Variants in SCGB2B2 observed in about 807,000 individuals in gnomAD.
SCGB2B2 encodes secretoglobin family 2B member 2.
In SCGB2B2, 11 loss-of-function variants were observed where a neutral mutation model predicts 7.6. The ratio of observed to expected loss-of-function variants is 1.45; its 90% CI spans 0.91 to 2.40. The LOEUF (loss-of-function observed/expected upper bound fraction) is 2.40, where lower values mean the gene tolerates loss of function less well. Ranked by LOEUF, SCGB2B2 falls within the 30% of genes most tolerant of loss-of-function variation. The pLI is 0.00. For synonymous variants in SCGB2B2, 50 were observed against 48.6 expected, an observed-to-expected ratio of 1.03 and a Z score of -0.12; for missense variants, 104 against 115.4, an observed-to-expected ratio of 0.90 and a Z score of 0.45.
chr19:34,660,437 A>T (rs2067420999), intron 1 of SCGB2B2, among the ~76,000 whole-genome samples: 2 of 152,258 alleles, frequency 1.3e-5, no homozygotes. Flanking sequence ...CAAATTTACA[A>T]GAAAAAAGCA....
At chr19:34,670,566 G>C (rs1264251333) in intron 1 of SCGB2B2, among the ~76,000 whole-genome samples, 1 of 152,106 alleles carries the variant, frequency 6.6e-6, no homozygotes, top group Admixed American at 6.5e-5. Flanking sequence ...CAAATCTTTT[G>C]CCCATTTAAA....
chr19:34,609,674 CTA>C (rs2065877624), intron 1 of SCGB2B2, among the ~76,000 whole-genome samples: 1 of 152,088 alleles, frequency 6.6e-6, no homozygotes, highest in Non-Finnish European at 1.5e-5. Flanking sequence ...TTCCATTGGT[CTA>C]TGTGTCTGTT....
intron 1 of SCGB2B2, among the ~76,000 whole-genome samples, chr19:34,596,840 T>A (rs747044644): frequency 2.2e-4 from 34 of 152,010 alleles, no homozygotes; most frequent in Non-Finnish European, 2.1e-4. Context: ...ATAGAGGACC[T>A]GGGAGCAGAG....
intron 1 of SCGB2B2, among the ~76,000 whole-genome samples, chr19:34,600,283 T>A (rs1236638208): frequency 1.3e-5 from 2 of 152,252 alleles, no homozygotes; most frequent in South Asian, 2.1e-4. Flanking sequence ...TATTCATCCA[T>A]GTTGTTATCT....
At chr19:34,594,472 T>G in intron 2 of SCGB2B2, 31 bp downstream of exon 2, 1 of 1,610,214 alleles carries the variant, frequency 6.2e-7, no homozygotes, top group African/African-American at 1.3e-5. Context: ...GGGCCACCGC[T>G]TCCTCCCAGC....
At chr19:34,587,033 G>A (rs972955901), downstream of SCGB2B2, among the ~76,000 whole-genome samples, 9 of 151,942 alleles carry the variant, frequency 5.9e-5, no homozygotes, top group Non-Finnish European at 1.0e-4. Context: ...TCAGCCTCCC[G>A]AGTAGCTGGG....
At chr19:34,599,230 G>A (rs1319592013) in intron 1 of SCGB2B2, among the ~76,000 whole-genome samples, 2 of 152,354 alleles carry the variant, frequency 1.3e-5, no homozygotes, top group Middle Eastern at 3.4e-3. Flanking sequence ...ACAGCAGAGG[G>A]ATCTATGGTG....
At chr19:34,623,498 T>G (rs1233091642) in intron 1 of SCGB2B2, among the ~76,000 whole-genome samples, 1 of 152,174 alleles carries the variant, frequency 6.6e-6, no homozygotes, top group Non-Finnish European at 1.5e-5. Context: ...CCATCAATTG[T>G]GCTGCCCATG....
chr19:34,593,403 G>C lies in SCGB2B2; in HGVS notation c.*152C>G. The C allele has an allele frequency of 1.6e-6, 1 of 614,828 alleles. No homozygotes were observed. The highest frequency in any genetic ancestry group is 2.0e-5 in the South Asian group (1 of 50,050). 38.1% of individuals were successfully genotyped at this position (614,828 alleles called of 1,614,324 possible). On this transcript the variant is annotated 3_prime_UTR_variant, in exon 4 of 4. Transcript: ENST00000601241. ...ACCCTGGTCACACTCTGCATATGCGGTCACAGCCAACCCCACACAGATGCC... is the reference window on the plus strand; with the variant it reads ...ACCCTGGTCACACTCTGCATATGCGCTCACAGCCAACCCCACACAGATGCC...
At chr19:34,626,392 T>C (rs902122741) in intron 1 of SCGB2B2, among the ~76,000 whole-genome samples, 1 of 151,968 alleles carries the variant, frequency 6.6e-6, no homozygotes, top group African/African-American at 2.4e-5. Context: ...ACTAGAATAA[T>C]CAATGCAGAG....
intron 1 of SCGB2B2, among the ~76,000 whole-genome samples, chr19:34,659,073 T>G (rs1935860391): frequency 6.6e-6 from 1 of 152,188 alleles, no homozygotes; most frequent in Non-Finnish European, 1.5e-5. Context: ...GAAAAGGCCT[T>G]CGATGAAATT....
chr19:34,610,526 T>G (rs1428994095), intron 1 of SCGB2B2, among the ~76,000 whole-genome samples: 1 of 152,198 alleles, frequency 6.6e-6, no homozygotes, highest in Non-Finnish European at 1.5e-5. Flanking sequence ...GAAGCATTGT[T>G]GACTTTTATC....
At chr19:34,641,602 A>C (rs897132441) in intron 1 of SCGB2B2, among the ~76,000 whole-genome samples, 1 of 152,028 alleles carries the variant, frequency 6.6e-6, no homozygotes, top group Non-Finnish European at 1.5e-5. Context: ...AGATGGCTAT[A>C]ACTTCTCTTT....
chr19:34,630,520 C>T (rs1390776554), intron 1 of SCGB2B2, among the ~76,000 whole-genome samples: 1 of 151,910 alleles, frequency 6.6e-6, no homozygotes, highest in Non-Finnish European at 1.5e-5. Context: ...AAAATGCTCA[C>T]CATCACTGGC....
intron 1 of SCGB2B2, among the ~76,000 whole-genome samples, chr19:34,651,938 C>G (rs2067171058): frequency 6.6e-6 from 1 of 151,116 alleles, no homozygotes; most frequent in Non-Finnish European, 1.5e-5. Flanking sequence ...GACACATAGA[C>G]CAGTGAAACT....
At chr19:34,625,452 A>G (rs1209472074) in intron 1 of SCGB2B2, among the ~76,000 whole-genome samples, 5 of 152,166 alleles carry the variant, frequency 3.3e-5, no homozygotes, top group Non-Finnish European at 5.9e-5. Context: ...GTCTTAGCAA[A>G]CTGCACACCA....
chr19:34,639,122 G>C lies in SCGB2B2; in HGVS notation c.-2032+36508C>G, dbSNP rs546470706. Among the ~76,000 whole-genome samples, 5 of 152,196 alleles carry C rather than the reference G, an allele frequency of 3.3e-5. No individual in the cohort carries two copies. The South Asian group carries it at 1.0e-3, about 32-fold the overall frequency. On this transcript the variant is annotated intron_variant, in intron 1 of 3. Coordinates refer to ENST00000601241, the MANE Select transcript of SCGB2B2 (RefSeq NM_001025591.4). ...CCCAATTATTTCCTTTTCCTTACAGGAAAATCCATGGGACCATAATCTGTG... is the reference window on the plus strand; with the variant it reads ...CCCAATTATTTCCTTTTCCTTACAGCAAAATCCATGGGACCATAATCTGTG...
chr19:34,612,206 T>C (rs186240147), intron 1 of SCGB2B2, among the ~76,000 whole-genome samples: 208 of 151,950 alleles, frequency 1.4e-3, no homozygotes, highest in African/African-American at 4.8e-3. Flanking sequence ...ACCTGGCTAA[T>C]TTTTTGTATT....
intron 1 of SCGB2B2, among the ~76,000 whole-genome samples, chr19:34,669,614 C>T (rs2067743324): frequency 1.3e-5 from 2 of 149,938 alleles, no homozygotes; most frequent in South Asian, 4.2e-4. Context: ...CAACACCCAA[C>T]CCATCCCACT....
Sources: gnomAD v4.1 joint callset for allele counts (sites outside exome capture counted in the v4.1 genomes callset) on GRCh38, gnomAD v4.1.1 for gene constraint, MANE v1.5 for transcripts, NCBI Gene and HGNC (gene_info 2026-07-23, HGNC 2026-07-21) for gene names.